The following FASN variants were observed in gnomAD, a reference collection of about 807,000 sequenced individuals.
FASN encodes fatty acid synthase.
FASN carries 50 observed loss-of-function variants against 250.0 expected under a neutral mutation model. The observed-to-expected ratio is 0.20, with a 90% CI of 0.16 to 0.25. The LOEUF (loss-of-function observed/expected upper bound fraction) is 0.25. Among genes scored for constraint, FASN ranks in the 10% least tolerant of loss-of-function variants. FASN has a pLI of 1.00. For missense variants in FASN, 3,031 were observed against 3,498.5 expected (o/e 0.87, Z 3.37); for synonymous variants, 1,909 against 1,584.0 (o/e 1.21, Z -4.87).
Position 82,080,865 on chromosome 17 carries a change from T to C in FASN, c.6653A>G (p.Asn2218Ser). ...CGGGTTCACCAGCAGGGAGCGCAGG[T>C]TCAGCTGAGTCTGCTGCTGGGCCAG... Reference protein sequence around the residue: ...DGLAQQQTQLNLRSLLVNPEG... With the variant: ...DGLAQQQTQLSLRSLLVNPEG... Residue 2218 changes from asparagine to serine, a missense_variant, in exon 39 of 43, where the codon AAC (asparagine) becomes AGC (serine). By Grantham distance (46) the Asn-to-Ser change is conservative (BLOSUM62 1). Transcript: ENST00000306749. 6.2e-7 allele frequency: 1 copy of C among 1,611,498 alleles called. No homozygotes were observed. Among genetic ancestry groups the C allele is most frequent in the Non-Finnish European group, 8.5e-7 (1 of 1,179,598 alleles).
chr17:82,083,819 C>T lies in FASN; in HGVS notation c.5171G>A (p.Arg1724Gln), dbSNP rs1307742840. 1 of 1,606,650 alleles carries T rather than the reference C, an allele frequency of 6.2e-7. No individual in the cohort carries two copies. The highest frequency in any genetic ancestry group is 1.3e-5 in the African/African-American group (1 of 74,912). Reference sequence around the variant, plus strand: ...CACATGCTGCTCGAAGGATGTGTCCCGGGAGTTGGCGAAGCTGGTGCTGTC... The same window carrying T: ...CACATGCTGCTCGAAGGATGTGTCCTGGGAGTTGGCGAAGCTGGTGCTGTC... ...QLDSTSFANS[R>Q]DTSFEQHVLW... Residue 1724 changes from arginine to glutamine, a missense_variant, in exon 30 of 43, where the codon CGG becomes CAG. By Grantham distance (43) the Arg-to-Gln change is conservative. Coordinates refer to ENST00000306749, the MANE Select transcript of FASN (RefSeq NM_004104.5).
At position 82,091,267 on chromosome 17, in the gene FASN, G is replaced by T; in HGVS notation, c.1447C>A (p.Gln483Lys). The change falls in exon 9 of 43, where the codon CAG (glutamine) becomes AAG (lysine). Residue 483 changes from glutamine to lysine, a missense_variant. By Grantham distance (53) the Gln-to-Lys change is moderately conservative. Transcript: ENST00000306749. ...GGGCGCTCGCCAGCGGGCACCTGCT[G>T]CACCTCTGGGCCACCGCGCTCACCA... ...LGGERGGPEVQQVPAGERPLW... is the reference protein window; with the variant it reads ...LGGERGGPEVKQVPAGERPLW... 1 of 1,603,994 alleles carries T rather than the reference G, an allele frequency of 6.2e-7. No homozygotes were observed. Among genetic ancestry groups the T allele is most frequent in the Non-Finnish European group, 8.5e-7 (1 of 1,175,458 alleles).
At position 82,081,326 on chromosome 17, in the gene FASN, G is replaced by A. The variant is rs1398009096; in HGVS notation, c.6433C>T (p.Leu2145=). Residue 2145 remains leucine, a synonymous_variant, in exon 38 of 43, where the codon CTG becomes TTG. Transcript: ENST00000306749. ...CCCAGGTCCGCCAGTGAGCTGTCCA[G>A]GTTGACAGCAGCCAAGTCGCGGATG... ...LGIRDLAAVN[L]DSSLADLGLD... 1.9e-6 allele frequency: 3 copies of A among 1,558,482 alleles called. No individual in the cohort carries two copies. Among genetic ancestry groups the A allele is most frequent in the Non-Finnish European group, 2.6e-6 (3 of 1,151,696 alleles).
rs1198419733 is a variant in FASN at position 82,091,447 on chromosome 17, G to A, written c.1267C>T (p.Leu423=). The change falls in exon 9 of 43, where the codon CTG becomes TTG. Residue 423 remains leucine, a synonymous_variant. Transcript: ENST00000306749. Reference sequence around the variant, plus strand: ...GGGGTGCGTCCGCTGGCCCGCAGCAGACGGGGCAGGGTGGCATGTGGGGCG... The same window carrying A: ...GGGGTGCGTCCGCTGGCCCGCAGCAAACGGGGCAGGGTGGCATGTGGGGCG... ...APAPHATLPR[L]LRASGRTPEA... 1.9e-6 allele frequency: 3 copies of A among 1,607,546 alleles called. No individual in the cohort carries two copies. The highest frequency in any genetic ancestry group is 1.7e-4 in the Middle Eastern group (1 of 6,048).
rs749521173 is a variant in FASN at position 82,084,668 on chromosome 17, C to T, written c.4613G>A (p.Arg1538Gln). ...TAHAFVSTLT[R>Q]GDLSSIRWVC... is the part of the protein sequence containing the mutation. Reference sequence around the variant, plus strand: ...CCAGCGGATGGAGGACAGGTCCCCCCGGGTGAGGGTGCTCACAAAGGCATG... The same window carrying T: ...CCAGCGGATGGAGGACAGGTCCCCCTGGGTGAGGGTGCTCACAAAGGCATG... The change falls in exon 27 of 43, where the codon CGG (arginine) becomes CAG (glutamine). Residue 1538 changes from arginine to glutamine, a missense_variant. Arg to Gln is a conservative substitution (Grantham distance 43). Transcript: ENST00000306749. 2.0e-5 allele frequency: 31 copies of T among 1,586,184 alleles called. No homozygotes were observed. Among genetic ancestry groups the T allele is most frequent in the South Asian group, 8.0e-5 (7 of 87,636 alleles).
At position 82,088,056 on chromosome 17, in the gene FASN, G is replaced by C. The variant is rs199783106; in HGVS notation, c.2786-22C>G. Reference sequence around the variant, plus strand: ...GTCCCTGCAGAGCGGGAGAGTTGGAGATCAGAGGGCAGCACCCGCCCCCCA... The same window carrying C: ...GTCCCTGCAGAGCGGGAGAGTTGGACATCAGAGGGCAGCACCCGCCCCCCA... On this transcript the variant is annotated intron_variant, in intron 17 of 42. Transcript: ENST00000306749. 304 of 1,612,690 alleles carry C rather than the reference G, an allele frequency of 1.9e-4. No individual in the cohort carries two copies. The African/African-American group carries it at 3.5e-3, about 19-fold the overall frequency.
chr17:82,087,375 T>A lies in FASN; in HGVS notation c.3173A>T (p.Asp1058Val), dbSNP rs749423710. ...CAGCTTCTGCCTGTGGGTGGCAGGG[T>A]CGATGTGGATGGCGGTGACACGGGT... ...LPTRVTAIHI[D>V]PATHRQKLYT... The change falls in exon 20 of 43, where the codon GAC (aspartate) becomes GTC (valine). Residue 1058 changes from aspartate (D) to valine (V), a missense_variant. Asp to Val is a radical substitution (Grantham distance 152). Transcript: ENST00000306749. 6.2e-6 allele frequency: 10 copies of A among 1,612,488 alleles called. 1 individual carries two copies. In the South Asian group the frequency reaches 1.1e-4, roughly 18 times the overall value.
At chr17:82,097,164 C>T (rs2034318089) in intron 1 of FASN, 2 of 157,082 alleles carry the variant, frequency 1.3e-5, no homozygotes, top group South Asian at 3.7e-4. Flanking sequence ...AGGGTCCAAC[C>T]TGGAGAACCA....
rs1568112441 is a variant in FASN, at chr17:82,088,282, G to A, written c.2619C>T (p.His873=). The change falls in exon 17 of 43, where the codon CAC becomes CAT. Residue 873 remains histidine (H), a synonymous_variant. Transcript: ENST00000306749. ...CGTCGAGGGTGTGGTCCACCAGGTAGTGGTCAGGAGACTCGGAGCTGGTGT... is the reference window on the plus strand; with the variant it reads ...CGTCGAGGGTGTGGTCCACCAGGTAATGGTCAGGAGACTCGGAGCTGGTGT... ...NIDTSSESPD[H]YLVDHTLDGR... is the part of the protein sequence containing the mutation. The A allele has an allele frequency of 1.2e-6, 2 of 1,606,382 alleles. No individual in the cohort carries two copies. Among genetic ancestry groups the A allele is most frequent in the South Asian group, 1.1e-5 (1 of 91,090 alleles).
chr17:82,085,023 C>T lies in FASN; in HGVS notation c.4409+12G>A, dbSNP rs747590141. 8.1e-6 allele frequency: 13 copies of T among 1,602,884 alleles called. No individual in the cohort carries two copies. Among genetic ancestry groups the T allele is most frequent in the Non-Finnish European group, 1.1e-5 (13 of 1,175,294 alleles). On this transcript the variant is annotated intron_variant, in intron 25 of 42. Coordinates refer to ENST00000306749, the MANE Select transcript of FASN (RefSeq NM_004104.5). ...GTGGGGAAGGGGAAGTGGTGAGGGGCCGTGCTCCTACCGGAGGCGGTTCCC... is the reference window on the plus strand; with the variant it reads ...GTGGGGAAGGGGAAGTGGTGAGGGGTCGTGCTCCTACCGGAGGCGGTTCCC...
Position 82,089,315 on chromosome 17 carries a change from C to T in FASN, c.2035G>A (p.Gly679Ser), listed in dbSNP as rs747822458. The T allele has an allele frequency of 3.3e-5, 54 of 1,612,666 alleles. No homozygotes were observed. Among genetic ancestry groups the T allele is most frequent in the South Asian group, 1.4e-4 (13 of 91,084 alleles). ...ATGAAGTAGGAGTGGAAGGCCATAC[C>T]GCCGGTCCGCACCTCCTTGGCAAAC... ...GVFAKEVRTG[G>S]MAFHSYFMEA... The change falls in exon 13 of 43, where the codon GGT becomes AGT. Residue 679 changes from glycine (G) to serine (S), a missense_variant. Coordinates refer to ENST00000306749, the MANE Select transcript of FASN (RefSeq NM_004104.5).
chr17:82,080,881 G>T lies in FASN; in HGVS notation c.6637C>A (p.Gln2213Lys). ...PTPKEDGLAQ[Q>K]QTQLNLRSLL... is the part of the protein sequence containing the mutation. ...GAGCGCAGGTTCAGCTGAGTCTGCT[G>T]CTGGGCCAGACCATCCTCCTTGGGC... The change falls in exon 39 of 43, where the codon CAG (glutamine) becomes AAG (lysine). Residue 2213 changes from glutamine to lysine, a missense_variant. Gln to Lys is a moderately conservative substitution (Grantham distance 53, BLOSUM62 1). Transcript: ENST00000306749. 6.2e-7 allele frequency: 1 copy of T among 1,611,144 alleles called. No homozygotes were observed. Among genetic ancestry groups the T allele is most frequent in the Non-Finnish European group, 8.5e-7 (1 of 1,179,472 alleles).
At chr17:82,094,862 G>T (rs1404762871) in intron 3 of FASN, among the ~76,000 whole-genome samples, 1 of 151,546 alleles carries the variant, frequency 6.6e-6, no homozygotes, top group Non-Finnish European at 1.5e-5. Flanking sequence ...GCCAGTCAGA[G>T]CGAGGGCCAG....
In FASN at chr17:82,092,823, C is replaced by T. The variant is rs781713473; in HGVS notation, c.779-11G>A. ...AGGGGAAGGTCACGCCTGCGGAGGG[C>T]TCGGCTCAGTGCTGCAGCCCCAGCC... On this transcript the variant is annotated splice_polypyrimidine_tract_variant and intron_variant, in intron 6 of 42. Transcript: ENST00000306749. The T allele has an allele frequency of 2.8e-5, 44 of 1,588,738 alleles. 1 individual carries two copies. Among genetic ancestry groups the T allele is most frequent in the Non-Finnish European group, 7.7e-6 (9 of 1,168,678 alleles).
chr17:82,091,468 G>C lies in FASN; in HGVS notation c.1246C>G (p.Pro416Ala). The part of the protein sequence containing the change: ...PNTQPPPAPA[P>A]HATLPRLLRA... ...AGCAGACGGGGCAGGGTGGCATGTG[G>C]GGCGGGTGCGGGGGGCGGCTGCGTG... Residue 416 changes from proline to alanine, a missense_variant, in exon 9 of 43, where the codon CCA becomes GCA. By Grantham distance (27) the Pro-to-Ala change is conservative (BLOSUM62 -1). Transcript: ENST00000306749. The C allele has an allele frequency of 6.2e-7, 1 of 1,605,668 alleles. No homozygotes were observed. The highest frequency in any genetic ancestry group is 8.5e-7 in the Non-Finnish European group (1 of 1,176,860).
chr17:82,078,925 T>A lies in FASN; in HGVS notation c.*218A>T, dbSNP rs1337702324. 6.3e-6 allele frequency: 4 copies of A among 631,662 alleles called. No individual in the cohort carries two copies. The highest frequency in any genetic ancestry group is 8.3e-6 in the Non-Finnish European group (3 of 361,562). 39.1% of individuals were successfully genotyped at this position (631,662 alleles called of 1,614,324 possible). On this transcript the variant is annotated 3_prime_UTR_variant, in exon 43 of 43. Transcript: ENST00000306749. The surrounding 1 kb of genome is among the most constrained non-coding windows in gnomAD (Gnocchi z 5.4). ...CCACCGGCTCTTCACAGACCAGGAGTCTCCAAGTCGGCAGCTCTGGTGTCC... is the reference window on the plus strand; with the variant it reads ...CCACCGGCTCTTCACAGACCAGGAGACTCCAAGTCGGCAGCTCTGGTGTCC...
chr17:82,093,714 C>G lies in FASN; in HGVS notation c.338G>C (p.Gly113Ala). 6.2e-7 allele frequency: 1 copy of G among 1,612,746 alleles called. No homozygotes were observed. Among genetic ancestry groups the G allele is most frequent in the East Asian group, 2.2e-5 (1 of 44,884 alleles). Residue 113 changes from glycine (G) to alanine (A), a missense_variant, in exon 4 of 43, where the codon GGC becomes GCC. Transcript: ENST00000306749. ...THTGVWVGVS[G>A]SETSEALSRD... The stretch of plus-strand genomic sequence containing the variant: ...GCTCAGGGCCTCCGAGGTCTCAGAG[C>G]CGCTCACGCCCACCCAGACGCCAGT...
At chr17:82,094,988 T>C (rs888853104) in intron 3 of FASN, among the ~76,000 whole-genome samples, 1 of 47,116 alleles carries the variant, frequency 2.1e-5, no homozygotes, top group African/African-American at 8.4e-5. Context: ...CTGGTGGGGG[T>C]GGGGGCCTGG....
chr17:82,089,505 AC>A (rs2034164505), intron 12 of FASN, 121 bp from the exon 13 acceptor site: 3 of 1,574,122 alleles, frequency 1.9e-6, no homozygotes, highest in Non-Finnish European at 2.6e-6. Flanking sequence ...GGACCTGAGG[AC>A]AAACCTGCCC....
Sources: gnomAD v4.1 joint callset for allele counts (sites outside exome capture counted in the v4.1 genomes callset) on GRCh38, gnomAD v4.1.1 for gene constraint, Gnocchi (gnomAD v3.1) non-coding constraint, MANE v1.5 for transcripts, NCBI Gene and HGNC (gene_info 2026-07-23, HGNC 2026-07-21) for gene names.